Variants in HACL1 observed in about 807,000 individuals in gnomAD.
The protein encoded by HACL1 is 1600020H07Rik.
HACL1 carries 64 observed loss-of-function variants against 74.2 expected under a neutral mutation model. The observed-to-expected ratio is 0.86, with a 90% CI of 0.70 to 1.06. HACL1 has a LOEUF of 1.06. Among genes scored for constraint, HACL1 ranks in the 50% least tolerant of loss-of-function variants. The pLI is 0.00. For synonymous variants in HACL1, 230 were observed against 238.8 expected (o/e 0.96, Z 0.34); for missense variants, 728 against 719.7 (o/e 1.01, Z -0.13).
At chr3:15,566,837 G>A (rs1364833335) in intron 14 of HACL1, among the ~76,000 whole-genome samples, 1 of 26,926 alleles carries the variant, frequency 3.7e-5, no homozygotes, top group Non-Finnish European at 7.6e-5. Context: ...TTTTTTTTTT[G>A]CGATGGAGTC....
intron 3 of HACL1, chr3:15,596,154 T>C: frequency 2.1e-6 from 1 of 474,412 alleles, no homozygotes; most frequent in East Asian, 3.6e-5. Context: ...ACTCACTATC[T>C]GATCACCAGT....
At chr3:15,562,518 G>A (rs1253312066) in intron 16 of HACL1, among the ~76,000 whole-genome samples, 4 of 151,922 alleles carry the variant, frequency 2.6e-5, no homozygotes, top group East Asian at 1.9e-4. Flanking sequence ...TTCATCCACC[G>A]CTTTGTTCAC....
intron 14 of HACL1, 63 bp from the exon 15 acceptor site, chr3:15,564,721 G>T (rs946522103): frequency 2.9e-6 from 2 of 688,772 alleles, no homozygotes; most frequent in African/African-American, 1.8e-5. Context: ...CTTTTCTTTG[G>T]GTTGAAACTT....
chr3:15,563,722 T>C (rs1229228659), intron 15 of HACL1, among the ~76,000 whole-genome samples, 178 bp from the exon 16 acceptor site: 1 of 152,234 alleles, frequency 6.6e-6, no homozygotes, highest in Non-Finnish European at 1.5e-5. Context: ...TAATTGTCTA[T>C]ATAGCAATGT....
intron 14 of HACL1, among the ~76,000 whole-genome samples, chr3:15,565,507 T>C (rs1397171186): frequency 6.6e-6 from 1 of 152,196 alleles, no homozygotes; most frequent in Non-Finnish European, 1.5e-5. Flanking sequence ...TATTTAACAG[T>C]GTGCTAAACA....
intron 3 of HACL1, among the ~76,000 whole-genome samples, chr3:15,594,926 G>A (rs1251512517): frequency 6.6e-6 from 1 of 152,138 alleles, no homozygotes; most frequent in East Asian, 1.9e-4. Context: ...TCAAGAGACA[G>A]AGACCATCCT....
rs1216106830 is a variant in HACL1, at chr3:15,567,866, T to C, written c.1387A>G (p.Met463Val). 2 of 1,614,050 alleles carry C rather than the reference T, an allele frequency of 1.2e-6. No individual in the cohort carries two copies. Among genetic ancestry groups the C allele is most frequent in the South Asian group, 1.1e-5 (1 of 91,084 alleles). ...EGDSAFGFSG[M>V]EVETICRYNL... ...TACCTGCAGATGGTTTCTACCTCCA[T>C]GCCAGAAAACCCAAATGCACTGTCT... The change falls in exon 14 of 17, where the codon ATG (methionine) becomes GTG (valine). Residue 463 changes from methionine (M) to valine (V), a missense_variant. Coordinates refer to ENST00000321169, the MANE Select transcript of HACL1 (RefSeq NM_012260.4).
intron 6 of HACL1, among the ~76,000 whole-genome samples, chr3:15,586,308 G>A (rs1221850369): frequency 6.6e-6 from 1 of 152,072 alleles, no homozygotes; most frequent in Non-Finnish European, 1.5e-5. Flanking sequence ...CTAAAACACA[G>A]GAGAAACTTT....
chr3:15,588,808 TGACATGC>T (rs1310278618), intron 5 of HACL1, among the ~76,000 whole-genome samples: 7 of 152,040 alleles, frequency 4.6e-5, no homozygotes, highest in South Asian at 2.1e-4. Context: ...CTTTTAATTT[TGACATGC>T]TTTCTTTCCT....
At chr3:15,567,810 G>A (rs976721651) in intron 14 of HACL1, 34 bp downstream of exon 14, 1 of 1,590,172 alleles carries the variant, frequency 6.3e-7, no homozygotes, top group African/African-American at 1.3e-5. Flanking sequence ...ATATTCTAGA[G>A]AATCAAATGC....
intron 2 of HACL1, chr3:15,600,762 A>G: frequency 2.9e-6 from 1 of 346,632 alleles, no homozygotes; most frequent in East Asian, 5.4e-5. Context: ...GTAGCCTAAT[A>G]GGGAAGTCAG....
At chr3:15,571,607 G>T in intron 12 of HACL1, 61 bp downstream of exon 12, 3 of 814,478 alleles carry the variant, frequency 3.7e-6, no homozygotes, top group South Asian at 1.4e-5. Context: ...GTCACATTAC[G>T]GCAGAAGTAA....
intron 9 of HACL1, among the ~76,000 whole-genome samples, chr3:15,579,406 C>G (rs1454859821): frequency 6.6e-6 from 1 of 151,822 alleles, no homozygotes; most frequent in Admixed American, 6.6e-5. Flanking sequence ...AAGATCTCAG[C>G]AGAGAAGCAA....
At chr3:15,562,918 GCCGAGTTAGT>G (rs1276705743) in intron 16 of HACL1, among the ~76,000 whole-genome samples, 1 of 151,864 alleles carries the variant, frequency 6.6e-6, no homozygotes, top group Non-Finnish European at 1.5e-5. Context: ...TCTCCCCTTT[GCCGAGTTAGT>G]CTCTGCTTAT....
At chr3:15,578,256 AGTG>A (rs949605881) in intron 9 of HACL1, among the ~76,000 whole-genome samples, 1 of 152,056 alleles carries the variant, frequency 6.6e-6, no homozygotes, top group African/African-American at 2.4e-5. Context: ...GATAAAGTTG[AGTG>A]GTGGTTATGT....
In HACL1 at chr3:15,575,101, T is replaced by A. The variant is rs1034728918; in HGVS notation, c.804-19A>T. On this transcript the variant is annotated intron_variant, in intron 9 of 16. Transcript: ENST00000321169. ...CAAAGCCCTATTAAAAAAATTGATA[T>A]GAAAGTATAACTACATTTCTTATTT... 3 of 1,169,726 alleles carry A rather than the reference T, an allele frequency of 2.6e-6. No individual in the cohort carries two copies. Among genetic ancestry groups the A allele is most frequent in the Non-Finnish European group, 3.9e-6 (3 of 778,146 alleles). 72.5% of individuals were successfully genotyped at this position (1,169,726 alleles called of 1,614,324 possible). A position where few individuals can be genotyped will look rare whatever the true frequency, so the allele number is the denominator to read the frequency against.
At chr3:15,582,677 G>A (rs1346914437) in intron 8 of HACL1, among the ~76,000 whole-genome samples, 200 bp downstream of exon 8, 1 of 152,098 alleles carries the variant, frequency 6.6e-6, no homozygotes, top group East Asian at 1.9e-4. Context: ...AATTAAATAG[G>A]TAGTATTTCC....
At chr3:15,597,630 T>TG (rs199906611) in intron 2 of HACL1, among the ~76,000 whole-genome samples, 1 of 129,354 alleles carries the variant, frequency 7.7e-6, no homozygotes, top group Admixed American at 7.9e-5. Context: ...GACATAAATG[T>TG]GGAAAAAAAA....
intron 9 of HACL1, among the ~76,000 whole-genome samples, chr3:15,578,581 G>A (rs1167481929): frequency 3.3e-5 from 5 of 152,144 alleles, no homozygotes; most frequent in Non-Finnish European, 7.3e-5. Context: ...CAAAGGATCA[G>A]GAAAAGGGCC....
Sources: allele counts gnomAD v4.1 joint callset (sites outside exome capture counted in the v4.1 genomes callset), GRCh38; gene constraint gnomAD v4.1.1; transcripts MANE v1.5; gene names NCBI Gene and HGNC (gene_info 2026-07-23, HGNC 2026-07-21).